Variants in LYPD6 observed in about 807,000 individuals in gnomAD.
LYPD6 encodes the protein LY6/PLAUR domain containing 6.
A neutral mutation model predicts 22.7 loss-of-function variants in LYPD6; 15 were observed. That is an observed-to-expected ratio of 0.66 (90% CI 0.44 to 1.02). The LOEUF (loss-of-function observed/expected upper bound fraction) is 1.02. Among genes scored for constraint, LYPD6 ranks in the 50% least tolerant of loss-of-function variants. The probability of loss-of-function intolerance (pLI) is 0.00; values close to 1 mark genes in which losing one functional copy is unlikely to be tolerated. For synonymous variants in LYPD6, 72 were observed against 77.5 expected (o/e 0.93, Z 0.37); for missense variants, 189 against 208.4 (o/e 0.91, Z 0.57).
intron 1 of LYPD6, among the ~76,000 whole-genome samples, chr2:149,399,648 T>C (rs892749747): frequency 6.7e-6 from 1 of 150,002 alleles, no homozygotes. Flanking sequence ...TATAAAAATA[T>C]AAAAATAAAA....
chr2:149,437,175 T>G (rs527959246), intron 1 of LYPD6, among the ~76,000 whole-genome samples: 1 of 152,316 alleles, frequency 6.6e-6, no homozygotes, highest in East Asian at 1.9e-4. Context: ...TCAGCTTTCC[T>G]GTATTTGTTT....
At chr2:149,428,762 G>A (rs561524971) in intron 1 of LYPD6, among the ~76,000 whole-genome samples, 2 of 152,310 alleles carry the variant, frequency 1.3e-5, no homozygotes, top group South Asian at 2.1e-4. Context: ...AATGCATTGC[G>A]AATGCCCCCT....
At chr2:149,377,483 C>T (rs1681950862) in intron 1 of LYPD6, among the ~76,000 whole-genome samples, 1 of 152,072 alleles carries the variant, frequency 6.6e-6, no homozygotes, top group African/African-American at 2.4e-5. Context: ...ATAATGTGAG[C>T]ATAAAAAAGC....
intron 1 of LYPD6, among the ~76,000 whole-genome samples, chr2:149,408,403 C>T (rs1559141509): frequency 6.6e-6 from 1 of 152,158 alleles, no homozygotes; most frequent in African/African-American, 2.4e-5. Context: ...GATCTTTTTG[C>T]ATTGAATTTC....
intron 1 of LYPD6, among the ~76,000 whole-genome samples, chr2:149,396,076 C>T (rs557659788): frequency 3.9e-5 from 6 of 152,290 alleles, no homozygotes; most frequent in African/African-American, 1.4e-4. Context: ...TTTTATTGTA[C>T]TGCCTTTACC....
rs1223508935 is a variant in LYPD6, at chr2:149,472,650, A to G, written c.*1800A>G. On this transcript the variant is annotated 3_prime_UTR_variant, in exon 5 of 5. Coordinates refer to ENST00000334166, the MANE Select transcript of LYPD6 (RefSeq NM_194317.5). The stretch of plus-strand genomic sequence containing the variant: ...GGAAAGTAGAGGGAGAGAAAGCAAG[A>G]CATTTATTAAGCACCTCGTATGTGC... The G allele has an allele frequency of 6.6e-6, 1 of 152,634 alleles. No homozygotes were observed. Among genetic ancestry groups the G allele is most frequent in the African/African-American group, 2.4e-5 (1 of 41,446 alleles). 9.5% of individuals were successfully genotyped at this position (152,634 alleles called of 1,614,324 possible).
intron 1 of LYPD6, among the ~76,000 whole-genome samples, chr2:149,367,266 A>G (rs759395900): frequency 1.4e-4 from 21 of 152,118 alleles, no homozygotes; most frequent in African/African-American, 5.1e-4. Context: ...ATCCACTTCC[A>G]TGCTCCCATG....
At chr2:149,393,409 CTG>C (rs1326419270) in intron 1 of LYPD6, among the ~76,000 whole-genome samples, 2 of 152,292 alleles carry the variant, frequency 1.3e-5, no homozygotes, top group East Asian at 3.9e-4. Context: ...AAGCTCCTCT[CTG>C]TGTGATGATA....
chr2:149,394,748 T>C (rs1005243913), intron 1 of LYPD6, among the ~76,000 whole-genome samples: 9 of 152,226 alleles, frequency 5.9e-5, no homozygotes, highest in Non-Finnish European at 1.3e-4. Flanking sequence ...TTAAAAGTTA[T>C]GTTTTGTTCC....
chr2:149,483,166 C>G, the LYPD6 span, among the ~76,000 whole-genome samples: 1 of 152,178 alleles, frequency 6.6e-6, no homozygotes, highest in African/African-American at 2.4e-5. Flanking sequence ...ATGTCAGGAG[C>G]CTGCCTTTGT....
At chr2:149,357,704 A>T (rs1681473766) in intron 1 of LYPD6, among the ~76,000 whole-genome samples, 1 of 151,706 alleles carries the variant, frequency 6.6e-6, no homozygotes, top group South Asian at 2.1e-4. Flanking sequence ...TATTCAATTA[A>T]TTTTCAGTGA....
At chr2:149,448,362 A>G (rs370567173) in intron 2 of LYPD6, among the ~76,000 whole-genome samples, 45 of 152,338 alleles carry the variant, frequency 3.0e-4, no homozygotes, top group African/African-American at 9.1e-4. Context: ...TATCAATACA[A>G]TCGGTCTACC....
intron 1 of LYPD6, among the ~76,000 whole-genome samples, chr2:149,342,019 A>G (rs1321838441): frequency 6.6e-6 from 1 of 152,176 alleles, no homozygotes; most frequent in African/African-American, 2.4e-5. Flanking sequence ...TCCAGGAAGA[A>G]CAAATGAATA....
At chr2:149,465,856 A>G (rs1279307050) in intron 3 of LYPD6, among the ~76,000 whole-genome samples, 1 of 152,230 alleles carries the variant, frequency 6.6e-6, no homozygotes, top group Non-Finnish European at 1.5e-5. Flanking sequence ...TTAATCTAAT[A>G]GTAAAAGACT....
At chr2:149,346,937 G>A (rs190830677) in intron 1 of LYPD6, among the ~76,000 whole-genome samples, 15 of 152,296 alleles carry the variant, frequency 9.8e-5, no homozygotes, top group African/African-American at 3.4e-4. Flanking sequence ...TTCACCTTAT[G>A]ATCCGCCCGC....
In LYPD6 at chr2:149,389,785, C is replaced by G. The variant is rs368336400; in HGVS notation, c.-71-47853C>G. Among the ~76,000 whole-genome samples, 41 of 152,318 alleles carry G rather than the reference C, an allele frequency of 2.7e-4. No homozygotes were observed. The East Asian group carries it at 7.5e-3, about 28-fold the overall frequency. On this transcript the variant is annotated intron_variant, in intron 1 of 4. Transcript: ENST00000334166. ...CTTCGTGTTTCTAATTAGTCAGACA[C>G]TCCCCCTGCTCCTGACTACTGATGG...
intron 1 of LYPD6, among the ~76,000 whole-genome samples, chr2:149,331,022 T>C (rs761401852): frequency 8.7e-4 from 133 of 152,280 alleles, no homozygotes; most frequent in Non-Finnish European, 1.6e-3. Context: ...AGTTCAAGGC[T>C]GGAGGAACCT....
chr2:149,401,321 C>T (rs942408706), intron 1 of LYPD6, among the ~76,000 whole-genome samples: 1 of 152,136 alleles, frequency 6.6e-6, no homozygotes, highest in Admixed American at 6.5e-5. Flanking sequence ...CGGTTGCCAC[C>T]CTGAACAAAA....
rs1006791738 is a variant in LYPD6 at position 149,394,348 on chromosome 2, T to C, written c.-71-43290T>C. Among the ~76,000 whole-genome samples, 7 of 152,252 alleles carry C rather than the reference T, an allele frequency of 4.6e-5. No individual in the cohort carries two copies. The South Asian group carries it at 1.0e-3, about 23-fold the overall frequency. ...GGTGATCACGGACCTCTGAAAATAGTAGTAAAAGTAGCAATCATTATTCTG... is the reference window on the plus strand; with the variant it reads ...GGTGATCACGGACCTCTGAAAATAGCAGTAAAAGTAGCAATCATTATTCTG... On this transcript the variant is annotated intron_variant, in intron 1 of 4. Transcript: ENST00000334166.
Sources: allele counts gnomAD v4.1 joint callset (sites outside exome capture counted in the v4.1 genomes callset), GRCh38; gene constraint gnomAD v4.1.1; transcripts MANE v1.5; gene names NCBI Gene and HGNC (gene_info 2026-07-23, HGNC 2026-07-21).